GPR39: variants seen among roughly 807,000 people sequenced by gnomAD.
GPR39 encodes zinc sensing receptor.
Under a neutral mutation model 18.4 loss-of-function variants are expected in GPR39, and 23 were observed. The ratio of observed to expected loss-of-function variants is 1.25; its 90% CI spans 0.90 to 1.77. The LOEUF is 1.77. GPR39 is among the 40% of genes most tolerant of loss of function. The probability of loss-of-function intolerance (pLI) is 0.00; values close to 1 mark genes in which losing one functional copy is unlikely to be tolerated. For missense variants in GPR39, 647 were observed against 602.4 expected, an observed-to-expected ratio of 1.07 and a Z score of -0.78; for synonymous variants, 280 against 257.9, an observed-to-expected ratio of 1.09 and a Z score of -0.82.
At chr2:132,513,991 T>C (rs1001830471) in intron 1 of GPR39, among the ~76,000 whole-genome samples, 11 of 152,370 alleles carry the variant, frequency 7.2e-5, no homozygotes, top group East Asian at 5.8e-4. Context: ...TAGCTTCTTT[T>C]GGATAACTTG....
chr2:132,602,200 C>G (rs1681055498), intron 1 of GPR39, among the ~76,000 whole-genome samples: 1 of 151,792 alleles, frequency 6.6e-6, no homozygotes, highest in Non-Finnish European at 1.5e-5. Context: ...GACATATAGA[C>G]CAACATAACA....
chr2:132,626,015 G>T (rs553853170), intron 1 of GPR39, among the ~76,000 whole-genome samples: 14 of 151,936 alleles, frequency 9.2e-5, no homozygotes, highest in Admixed American at 6.6e-4. Context: ...CAGGAGAATG[G>T]CGTGAACCTG....
At chr2:132,550,385 G>A (rs2104794052) in intron 1 of GPR39, among the ~76,000 whole-genome samples, 1 of 152,328 alleles carries the variant, frequency 6.6e-6, no homozygotes, top group East Asian at 1.9e-4. Context: ...GCGATACAAC[G>A]GAGGTACTTG....
intron 1 of GPR39, among the ~76,000 whole-genome samples, chr2:132,572,521 T>A (rs1446625594): frequency 1.4e-5 from 2 of 147,756 alleles, no homozygotes; most frequent in African/African-American, 2.5e-5. Context: ...TCAGAACTCA[T>A]AGGGTTAGAA....
intron 1 of GPR39, among the ~76,000 whole-genome samples, chr2:132,622,454 G>A (rs1379182701): frequency 1.3e-5 from 2 of 152,146 alleles, no homozygotes; most frequent in East Asian, 3.9e-4. Flanking sequence ...GCCAATATGA[G>A]TGACCATGGA....
intron 1 of GPR39, among the ~76,000 whole-genome samples, chr2:132,438,070 G>C (rs975524959): frequency 7.9e-5 from 12 of 152,234 alleles, no homozygotes; most frequent in African/African-American, 2.7e-4. Flanking sequence ...TTCAGGGAAG[G>C]GACGGAGTGT....
intron 1 of GPR39, among the ~76,000 whole-genome samples, chr2:132,524,240 G>A (rs536925787): frequency 6.6e-6 from 1 of 152,314 alleles, no homozygotes; most frequent in East Asian, 1.9e-4. Context: ...AGTTTCCCTG[G>A]TAATTATTCA....
chr2:132,440,251 C>T (rs2104764418), intron 1 of GPR39, among the ~76,000 whole-genome samples: 1 of 152,302 alleles, frequency 6.6e-6, no homozygotes, highest in Middle Eastern at 3.4e-3. Context: ...CGTTTTCTAG[C>T]AGTGGTTAAT....
chr2:132,454,051 A>T (rs1680676944), intron 1 of GPR39, among the ~76,000 whole-genome samples: 1 of 152,186 alleles, frequency 6.6e-6, no homozygotes, highest in Admixed American at 6.5e-5. Context: ...GATGGCATTG[A>T]ATCTATAAAT....
chr2:132,645,333 G>A lies in GPR39; in HGVS notation c.1089G>A (p.Leu363=). 2 of 1,614,178 alleles carry A rather than the reference G, an allele frequency of 1.2e-6. No homozygotes were observed. The highest frequency in any genetic ancestry group is 1.7e-6 in the Non-Finnish European group (2 of 1,180,042). ...TCGTGCAGGTGCTGTGCTGCCGCCTGTCGCTGCAGCACGCCAACCACGAGA... is the reference window on the plus strand; with the variant it reads ...TCGTGCAGGTGCTGTGCTGCCGCCTATCGCTGCAGCACGCCAACCACGAGA... The part of the protein sequence containing the change: ...RVFVQVLCCR[L]SLQHANHEKR... The change falls in exon 2 of 2, where the codon CTG becomes CTA. Residue 363 remains leucine (L), a synonymous_variant. Coordinates refer to ENST00000329321, the MANE Select transcript of GPR39 (RefSeq NM_001508.3).
chr2:132,548,567 C>T (rs1363453420), intron 1 of GPR39, among the ~76,000 whole-genome samples: 2 of 152,224 alleles, frequency 1.3e-5, no homozygotes, highest in Non-Finnish European at 2.9e-5. Flanking sequence ...AGGAATTTAA[C>T]TCTGCTAAGC....
chr2:132,536,505 G>T (rs1679759718), intron 1 of GPR39, among the ~76,000 whole-genome samples: 1 of 152,204 alleles, frequency 6.6e-6, no homozygotes, highest in African/African-American at 2.4e-5. Flanking sequence ...GTCGACTTTA[G>T]AAGAAGTGCC....
chr2:132,528,665 T>C (rs955726936), intron 1 of GPR39, among the ~76,000 whole-genome samples: 2 of 152,214 alleles, frequency 1.3e-5, no homozygotes, highest in Admixed American at 1.3e-4. Context: ...TTATAGGCTG[T>C]ATTCCTAGGT....
At chr2:132,583,801 A>T (rs1031371323) in intron 1 of GPR39, among the ~76,000 whole-genome samples, 1 of 151,148 alleles carries the variant, frequency 6.6e-6, no homozygotes, top group Admixed American at 6.6e-5. Context: ...CTTGTCAGGG[A>T]CACTTCAGCT....
chr2:132,427,308 C>T (rs78755346), intron 1 of GPR39, among the ~76,000 whole-genome samples: 30,484 of 147,906 alleles, frequency 0.21, 3,256 homozygotes, highest in African/African-American at 0.23. Flanking sequence ...AGACTACAGG[C>T]GCCTGCCACC....
intron 1 of GPR39, among the ~76,000 whole-genome samples, chr2:132,427,541 T>C (rs1680149751): frequency 6.6e-6 from 1 of 151,000 alleles, no homozygotes; most frequent in South Asian, 2.1e-4. Context: ...TAACATAATA[T>C]CTTATACATA....
intron 1 of GPR39, among the ~76,000 whole-genome samples, chr2:132,643,029 C>A (rs1681887044): frequency 6.6e-6 from 1 of 152,156 alleles, no homozygotes; most frequent in Non-Finnish European, 1.5e-5. Flanking sequence ...TGGAATAGCA[C>A]AAGTGGCTGG....
chr2:132,439,079 A>G (rs1380318185), intron 1 of GPR39, among the ~76,000 whole-genome samples: 1 of 152,226 alleles, frequency 6.6e-6, no homozygotes, highest in Non-Finnish European at 1.5e-5. Context: ...TTTCTCCAAC[A>G]TAAATAGCTT....
At chr2:132,420,461 A>T (rs1679989246) in intron 1 of GPR39, among the ~76,000 whole-genome samples, 2 of 152,240 alleles carry the variant, frequency 1.3e-5, no homozygotes, top group Admixed American at 1.3e-4. Context: ...GGGCATTTTT[A>T]ACCCAGAACA....
Sources: gnomAD v4.1 joint callset for allele counts (sites outside exome capture counted in the v4.1 genomes callset) on GRCh38, gnomAD v4.1.1 for gene constraint, MANE v1.5 for transcripts, NCBI Gene and HGNC (gene_info 2026-07-23, HGNC 2026-07-21) for gene names.